GPR39: variants seen among roughly 807,000 people sequenced by gnomAD.
GPR39 encodes the protein zinc sensing receptor.
In GPR39, 23 loss-of-function variants were observed where a neutral mutation model predicts 18.4. The ratio of observed to expected loss-of-function variants is 1.25; its 90% CI spans 0.90 to 1.77. GPR39 has a LOEUF of 1.77. GPR39 is among the 40% of genes most tolerant of loss of function. GPR39 has a pLI of 0.00. For missense variants in GPR39, 647 were observed against 602.4 expected, an observed-to-expected ratio of 1.07 and a Z score of -0.78; for synonymous variants, 280 against 257.9, an observed-to-expected ratio of 1.09 and a Z score of -0.82.
intron 1 of GPR39, among the ~76,000 whole-genome samples, chr2:132,643,487 T>G (rs1282358117): frequency 6.6e-6 from 1 of 152,192 alleles, no homozygotes; most frequent in African/African-American, 2.4e-5. Context: ...ATTCTGGATG[T>G]GTGAATGTGG....
chr2:132,645,991 TTGGGGGCGAGGGC>T lies in GPR39; in HGVS notation c.*389_*401del, dbSNP rs1682050111. 6 of 1,345,968 alleles carry T rather than the reference TTGGGGGCGAGGGC, an allele frequency of 4.5e-6. No homozygotes were observed. Among genetic ancestry groups the T allele is most frequent in the Non-Finnish European group, 6.0e-6 (6 of 996,238 alleles). The allele number at this position is 1,345,968 out of a possible 1,614,324, so 83.4% of individuals were successfully genotyped here. A position where few individuals can be genotyped will look rare whatever the true frequency, so the allele number is the denominator to read the frequency against. ...GAAACTCACTCAGGGAGGTGGGGGG[TTGGGGGCGAGGGC>T]TGGAAGAACAATGCAGGAGGGGGTG... is the stretch of plus-strand genomic sequence containing the variant. On this transcript the variant is annotated 3_prime_UTR_variant, in exon 2 of 2. Coordinates refer to ENST00000329321, the MANE Select transcript of GPR39 (RefSeq NM_001508.3).
At chr2:132,644,408 GAAT>G (rs1474590305) in intron 1 of GPR39, among the ~76,000 whole-genome samples, 1 of 152,164 alleles carries the variant, frequency 6.6e-6, no homozygotes, top group African/African-American at 2.4e-5. Flanking sequence ...TGCCATCTCT[GAAT>G]AATTCTTTTT....
At chr2:132,441,509 C>A (rs1281666128) in intron 1 of GPR39, among the ~76,000 whole-genome samples, 1 of 152,116 alleles carries the variant, frequency 6.6e-6, no homozygotes, top group African/African-American at 2.4e-5. Flanking sequence ...GTCATCTATA[C>A]TTAACAAACC....
chr2:132,438,849 G>A (rs1402398576), intron 1 of GPR39, among the ~76,000 whole-genome samples: 1 of 152,170 alleles, frequency 6.6e-6, no homozygotes, highest in Non-Finnish European at 1.5e-5. Context: ...GAAGGGGAAA[G>A]TAGGCCTCCA....
At chr2:132,554,276 T>C (rs1331711419) in intron 1 of GPR39, among the ~76,000 whole-genome samples, 3 of 152,186 alleles carry the variant, frequency 2.0e-5, no homozygotes, top group Non-Finnish European at 4.4e-5. Flanking sequence ...ACTTTAGGTA[T>C]GATGTTAGGC....
intron 1 of GPR39, among the ~76,000 whole-genome samples, chr2:132,476,825 C>T (rs1197388595): frequency 6.6e-6 from 1 of 152,074 alleles, no homozygotes. Context: ...GTAGGACAGG[C>T]TGTTATTCCT....
intron 1 of GPR39, among the ~76,000 whole-genome samples, chr2:132,531,662 G>T (rs1360689960): frequency 1.9e-4 from 29 of 152,198 alleles, no homozygotes; most frequent in Non-Finnish European, 8.8e-5. Context: ...TCAGACCACA[G>T]TGCAATCAAA....
Position 132,417,242 on chromosome 2 carries a change from A to T in GPR39, c.200A>T (p.Glu67Val). ...VLQKKGYLQKEVTDHMVSLAC... is the reference protein window; with the variant it reads ...VLQKKGYLQKVVTDHMVSLAC... Reference sequence around the variant, plus strand: ...CAGAAGAAAGGATACTTGCAGAAGGAGGTGACAGACCACATGGTGAGTTTG... The same window carrying T: ...CAGAAGAAAGGATACTTGCAGAAGGTGGTGACAGACCACATGGTGAGTTTG... The change falls in exon 1 of 2, where the codon GAG (glutamate) becomes GTG (valine). Residue 67 changes from glutamate (E) to valine (V), a missense_variant. Physicochemically the swap from Glu to Val is moderately radical, Grantham distance 121. Coordinates refer to ENST00000329321, the MANE Select transcript of GPR39 (RefSeq NM_001508.3). 1 of 1,614,138 alleles carries T rather than the reference A, an allele frequency of 6.2e-7. No homozygotes were observed.
In GPR39 at chr2:132,564,810, CTTTTTTT is replaced by C. The variant is rs948881403; in HGVS notation, c.857-80276_857-80270del. Among the ~76,000 whole-genome samples the C allele has an allele frequency of 1.4e-3, 135 of 95,460 alleles. 1 individual carries two copies. Among genetic ancestry groups the C allele is most frequent in the Admixed American group, 6.1e-3 (42 of 6,926 alleles). The allele number at this position is 95,460 out of a possible 152,430, so 62.6% of individuals were successfully genotyped here. ...TTTAATAACTATTTTTTTCTTTTTT[CTTTTTTT>C]TTTTTTTTTTTTTTGTTGAGACAGA... On this transcript the variant is annotated intron_variant, in intron 1 of 1. Coordinates refer to ENST00000329321, the MANE Select transcript of GPR39 (RefSeq NM_001508.3).
At chr2:132,563,795 C>A (rs1189336776) in intron 1 of GPR39, among the ~76,000 whole-genome samples, 1 of 152,170 alleles carries the variant, frequency 6.6e-6, no homozygotes, top group South Asian at 2.1e-4. Flanking sequence ...TCTGAAAGCA[C>A]GCAGATGATT....
At chr2:132,539,392 C>T (rs1340255053) in intron 1 of GPR39, among the ~76,000 whole-genome samples, 1 of 152,092 alleles carries the variant, frequency 6.6e-6, no homozygotes, top group Admixed American at 6.6e-5. Context: ...TAACCAGTCC[C>T]AATGGGATGA....
chr2:132,572,501 C>A (rs1053229096), intron 1 of GPR39, among the ~76,000 whole-genome samples: 4 of 149,792 alleles, frequency 2.7e-5, no homozygotes, highest in Admixed American at 6.7e-5. Context: ...CTCCTGAGAG[C>A]TTTTATTAGT....
rs778506745 is a variant in GPR39, at chr2:132,634,819, A to C, written c.857-10282A>C. ...GTCCTCTGATATGTCTTTGGTAAACAGGGTTTTCTGTGTCCTGTTATACCC... is the reference window on the plus strand; with the variant it reads ...GTCCTCTGATATGTCTTTGGTAAACCGGGTTTTCTGTGTCCTGTTATACCC... On this transcript the variant is annotated intron_variant, in intron 1 of 1. Transcript: ENST00000329321. Among the ~76,000 whole-genome samples, 76 of 152,204 alleles carry C rather than the reference A, an allele frequency of 5.0e-4. 2 individuals carry two copies. Among genetic ancestry groups the C allele is most frequent in the Non-Finnish European group, 5.1e-4 (35 of 68,036 alleles).
At chr2:132,557,234 A>G (rs1001033881) in intron 1 of GPR39, among the ~76,000 whole-genome samples, 16 of 152,100 alleles carry the variant, frequency 1.1e-4, no homozygotes, top group Admixed American at 5.9e-4. Context: ...CAGGAGAATC[A>G]CTTGAACCCA....
intron 1 of GPR39, among the ~76,000 whole-genome samples, chr2:132,476,022 G>C (rs13427387): frequency 0.022 from 3,357 of 152,190 alleles, 125 homozygotes; most frequent in African/African-American, 0.076. Context: ...CCACTTAGCA[G>C]CAGCAGAGGG....
intron 1 of GPR39, among the ~76,000 whole-genome samples, chr2:132,543,439 C>A (rs1460435292): frequency 6.6e-6 from 1 of 152,146 alleles, no homozygotes; most frequent in Non-Finnish European, 1.5e-5. Flanking sequence ...ACTTGTGGGG[C>A]AGGTCAGAGG....
At chr2:132,613,859 A>T (rs1402687156) in intron 1 of GPR39, among the ~76,000 whole-genome samples, 1 of 152,198 alleles carries the variant, frequency 6.6e-6, no homozygotes, top group African/African-American at 2.4e-5. Flanking sequence ...ATTCTTCATG[A>T]TTGTATCCCC....
intron 1 of GPR39, among the ~76,000 whole-genome samples, chr2:132,544,167 T>C (rs1679904655): frequency 6.6e-6 from 1 of 152,158 alleles, no homozygotes; most frequent in South Asian, 2.1e-4. Context: ...ATCTTTTAGT[T>C]TCTATAGGGA....
chr2:132,425,294 A>T (rs1291753324), intron 1 of GPR39, among the ~76,000 whole-genome samples: 1 of 152,114 alleles, frequency 6.6e-6, no homozygotes, highest in African/African-American at 2.4e-5. Context: ...ATGTCTCTCG[A>T]CTATATTGGA....
Sources: gnomAD v4.1 joint callset for allele counts (sites outside exome capture counted in the v4.1 genomes callset) on GRCh38, gnomAD v4.1.1 for gene constraint, MANE v1.5 for transcripts, NCBI Gene and HGNC (gene_info 2026-07-23, HGNC 2026-07-21) for gene names.